The following MEGF6 variants were observed in gnomAD, a reference collection of about 807,000 sequenced individuals.
MEGF6 encodes multiple EGF like domains 6.
Under a neutral mutation model 207.1 loss-of-function variants are expected in MEGF6, and 184 were observed. That is an observed-to-expected ratio of 0.89 (90% CI 0.79 to 1.00). The LOEUF is 1.00. MEGF6 is among the 50% of genes least tolerant of loss of function. MEGF6 has a pLI of 0.00. For synonymous variants in MEGF6, 1,038 were observed against 910.0 expected (o/e 1.14, Z -2.53); for missense variants, 2,282 against 2,202.9 (o/e 1.04, Z -0.72).
At position 3,543,402 on chromosome 1, in the gene MEGF6, T is replaced by C. The variant is rs576633142; in HGVS notation, c.482-19156A>G. On this transcript the variant is annotated intron_variant, in intron 4 of 36. Coordinates refer to ENST00000356575, the MANE Select transcript of MEGF6 (RefSeq NM_001409.4). ...TCGGCTGCCGGCACCCCCTGAGCCA[T>C]GCGCTCACTCACTCGCTCGGCAAGA... 1.6e-3 allele frequency among the ~76,000 whole-genome samples: 244 copies of C among 152,312 alleles called. 1 individual carries two copies. Among genetic ancestry groups the C allele is most frequent in the Non-Finnish European group, 2.8e-3 (190 of 68,016 alleles).
chr1:3,500,605 G>A lies in MEGF6; in HGVS notation c.2707+28C>T, dbSNP rs1408305615. 1.3e-5 allele frequency: 20 copies of A among 1,538,510 alleles called. No homozygotes were observed. In the Admixed American group the frequency reaches 2.2e-4, roughly 17 times the overall value. On this transcript the variant is annotated intron_variant, in intron 21 of 36. Coordinates refer to ENST00000356575, the MANE Select transcript of MEGF6 (RefSeq NM_001409.4). ...TGTGCGTGTGCGCACTCAGGAGGGTGGCAGCCAAAGGCAGGGCCGGGACTC... is the reference window on the plus strand; with the variant it reads ...TGTGCGTGTGCGCACTCAGGAGGGTAGCAGCCAAAGGCAGGGCCGGGACTC...
intron 18 of MEGF6, 113 bp from the exon 19 acceptor site, chr1:3,501,421 C>G: frequency 2.1e-6 from 3 of 1,415,612 alleles, no homozygotes; most frequent in Non-Finnish European, 2.8e-6. Context: ...ACCACTGTTA[C>G]CATCTCAGCC....
chr1:3,550,342 G>A (rs1364959189), intron 4 of MEGF6, among the ~76,000 whole-genome samples: 3 of 152,318 alleles, frequency 2.0e-5, no homozygotes, highest in Non-Finnish European at 2.9e-5. Flanking sequence ...CTCAAACCTC[G>A]TGCTGTGTGA....
At chr1:3,511,966 A>C (rs762928446) in intron 8 of MEGF6, 40 bp downstream of exon 8, 4 of 1,610,910 alleles carry the variant, frequency 2.5e-6, no homozygotes, top group South Asian at 1.1e-5. Flanking sequence ...CAGCATGGCC[A>C]TCCCGGGCAC....
chr1:3,498,732 G>A lies in MEGF6; in HGVS notation c.3189C>T (p.Cys1063=), dbSNP rs1258200437. The A allele has an allele frequency of 1.3e-6, 2 of 1,567,224 alleles. No individual in the cohort carries two copies. Among genetic ancestry groups the A allele is most frequent in the Middle Eastern group, 1.7e-4 (1 of 5,996 alleles). ...AGGCCAGGCCGGCCCAGCCCTCTGG[G>A]CACGCACAGTGGCCTGAGACAGGGT... ...TCDPVSGHCA[C]PEGWAGLACE... Residue 1063 remains cysteine, a synonymous_variant, in exon 25 of 37, where the codon TGC becomes TGT. Transcript: ENST00000356575.
chr1:3,587,093 CTA>C (rs56821578), intron 3 of MEGF6, among the ~76,000 whole-genome samples: 152 of 152,378 alleles, frequency 1.0e-3, no homozygotes, highest in African/African-American at 3.5e-3. Context: ...GAGTCAGACT[CTA>C]TTTCATATCT....
At chr1:3,531,635 C>G (rs200499438) in intron 4 of MEGF6, among the ~76,000 whole-genome samples, 1 of 152,114 alleles carries the variant, frequency 6.6e-6, no homozygotes, top group East Asian at 1.9e-4. Flanking sequence ...ACGCAGACAT[C>G]CACATGTGAC....
At chr1:3,495,487 C>T (rs944207113) in intron 30 of MEGF6, among the ~76,000 whole-genome samples, 1 of 152,246 alleles carries the variant, frequency 6.6e-6, no homozygotes, top group Non-Finnish European at 1.5e-5. Context: ...CACTTTGGTC[C>T]CTGAGCCCTG....
At chr1:3,522,797 T>G (rs1198204680) in intron 5 of MEGF6, among the ~76,000 whole-genome samples, 1 of 152,036 alleles carries the variant, frequency 6.6e-6, no homozygotes, top group Admixed American at 6.5e-5. Context: ...GCTGCCCTTC[T>G]ACAAGGAATA....
intron 4 of MEGF6, among the ~76,000 whole-genome samples, chr1:3,575,650 C>T (rs1462122025): frequency 2.0e-5 from 3 of 146,474 alleles, no homozygotes; most frequent in Admixed American, 6.9e-5. Flanking sequence ...TGGATGGCAG[C>T]AGGCAAAGAG....
intron 35 of MEGF6, among the ~76,000 whole-genome samples, chr1:3,491,689 C>G (rs756102832): frequency 3.6e-4 from 54 of 151,876 alleles, no homozygotes; most frequent in Non-Finnish European, 7.1e-4. Context: ...ACATGTCTTG[C>G]CCCGCACAGG....
chr1:3,609,658 C>A (rs1202372870), intron 1 of MEGF6, among the ~76,000 whole-genome samples: 3 of 152,326 alleles, frequency 2.0e-5, no homozygotes, highest in Non-Finnish European at 4.4e-5. Flanking sequence ...GCCAACTCTG[C>A]TGCAACCCAT....
At chr1:3,516,665 G>A (rs924703793) in intron 5 of MEGF6, among the ~76,000 whole-genome samples, 4 of 152,196 alleles carry the variant, frequency 2.6e-5, no homozygotes, top group South Asian at 2.1e-4. Flanking sequence ...AGGGGAGGGC[G>A]GTCAGAGGTC....
intron 35 of MEGF6, among the ~76,000 whole-genome samples, chr1:3,491,455 C>T (rs1209619404): frequency 6.6e-6 from 1 of 152,088 alleles, no homozygotes; most frequent in East Asian, 1.9e-4. Flanking sequence ...GCTGCCCCGC[C>T]CCTCCTCTCC....
chr1:3,519,741 G>A (rs1641675169), intron 5 of MEGF6, among the ~76,000 whole-genome samples: 1 of 152,252 alleles, frequency 6.6e-6, no homozygotes, highest in Admixed American at 6.5e-5. Flanking sequence ...CCAACGGCCT[G>A]CCAGCAGCCT....
intron 4 of MEGF6, among the ~76,000 whole-genome samples, chr1:3,553,976 A>C (rs566834142): frequency 2.0e-5 from 3 of 152,072 alleles, no homozygotes; most frequent in Non-Finnish European, 4.4e-5. Context: ...TCTGCCTGGA[A>C]CCCAGCTGCT....
intron 4 of MEGF6, among the ~76,000 whole-genome samples, chr1:3,530,127 G>A (rs1642098894): frequency 1.3e-5 from 2 of 152,242 alleles, no homozygotes; most frequent in South Asian, 4.1e-4. Context: ...ACTGTGGGTG[G>A]ACCTGGCCTT....
chr1:3,588,788 C>A (rs1408359922), intron 3 of MEGF6, among the ~76,000 whole-genome samples: 1 of 152,050 alleles, frequency 6.6e-6, no homozygotes, highest in East Asian at 1.9e-4. Flanking sequence ...CCCCTTCTCT[C>A]TGCCCCTCCT....
intron 3 of MEGF6, among the ~76,000 whole-genome samples, chr1:3,589,165 AG>A (rs1643938790): frequency 6.6e-6 from 1 of 152,156 alleles, no homozygotes; most frequent in African/African-American, 2.4e-5. Flanking sequence ...GTGGGGAACG[AG>A]GCGTCTACAA....
Sources: gnomAD v4.1 joint callset for allele counts (sites outside exome capture counted in the v4.1 genomes callset) on GRCh38, gnomAD v4.1.1 for gene constraint, MANE v1.5 for transcripts, NCBI Gene and HGNC (gene_info 2026-07-23, HGNC 2026-07-21) for gene names.